PTPRN2: variants seen among roughly 807,000 people sequenced by gnomAD.
PTPRN2 encodes the protein protein tyrosine phosphatase receptor type N2.
A neutral mutation model predicts 118.8 loss-of-function variants in PTPRN2; 74 were observed. The observed-to-expected ratio is 0.62, with a 90% CI of 0.52 to 0.76. PTPRN2 has a LOEUF of 0.76. Among genes scored for constraint, PTPRN2 ranks in the 30% least tolerant of loss-of-function variants. The probability of loss-of-function intolerance (pLI) is 0.00; values close to 1 mark genes in which losing one functional copy is unlikely to be tolerated. For missense variants in PTPRN2, 1,481 were observed against 1,394.4 expected, an observed-to-expected ratio of 1.06 and a Z score of -0.99; for synonymous variants, 641 against 608.0, an observed-to-expected ratio of 1.05 and a Z score of -0.80.
At chr7:158,266,684 G>C (rs1213108934) in intron 3 of PTPRN2, among the ~76,000 whole-genome samples, 1 of 152,178 alleles carries the variant, frequency 6.6e-6, no homozygotes, top group Non-Finnish European at 1.5e-5. Context: ...AACCTGGGCA[G>C]AGAGACGAGA....
intron 11 of PTPRN2, among the ~76,000 whole-genome samples, chr7:158,079,232 A>C (rs1812610937): frequency 6.6e-6 from 1 of 152,196 alleles, no homozygotes; most frequent in African/African-American, 2.4e-5. Flanking sequence ...AATGTAAACA[A>C]TTTTGCACAC....
chr7:157,789,694 ATGTGTGTGTGGTG>A (rs1488986880), intron 12 of PTPRN2, among the ~76,000 whole-genome samples: 49 of 139,592 alleles, frequency 3.5e-4, no homozygotes, highest in African/African-American at 1.3e-3. Flanking sequence ...GTGTGGGGGT[ATGTGTGTGTGGTG>A]TGTGTGGTAT....
chr7:158,128,748 A>G (rs1382774136), intron 9 of PTPRN2, among the ~76,000 whole-genome samples: 1 of 152,104 alleles, frequency 6.6e-6, no homozygotes, highest in Non-Finnish European at 1.5e-5. Flanking sequence ...CCATTTGGAA[A>G]GCCCTTAAAA....
Position 158,167,056 on chromosome 7 carries a change from C to G in PTPRN2, c.785G>C (p.Ser262Thr). Reference protein sequence around the residue: ...QRPPAPPGEGSLEPQYLLRAP... With the variant: ...QRPPAPPGEGTLEPQYLLRAP... Reference sequence around the variant, plus strand: ...ACGCAGAAGGTACTGTGGCTCCAGGCTGCCCTCCCCGGGGGGAGCTGGGGG... The same window carrying G: ...ACGCAGAAGGTACTGTGGCTCCAGGGTGCCCTCCCCGGGGGGAGCTGGGGG... Residue 262 changes from serine (S) to threonine (T), a missense_variant, in exon 6 of 23, where the codon AGC becomes ACC. Ser to Thr is a moderately conservative substitution (Grantham distance 58). This residue lies in a region of PTPRN2 where 1,115 missense variants were observed against 994.2 expected (regional missense o/e 1.12). Coordinates refer to ENST00000389418, the MANE Select transcript of PTPRN2 (RefSeq NM_002847.5). The G allele has an allele frequency of 1.3e-6, 2 of 1,573,998 alleles. No homozygotes were observed. The highest frequency in any genetic ancestry group is 2.3e-5 in the East Asian group (1 of 43,414).
intron 1 of PTPRN2, among the ~76,000 whole-genome samples, chr7:158,553,099 G>C (rs1252198397): frequency 6.6e-6 from 1 of 151,900 alleles, no homozygotes; most frequent in Non-Finnish European, 1.5e-5. Context: ...ACACACACAT[G>C]CTTGGGAGTC....
chr7:158,287,583 T>G (rs530653433), intron 3 of PTPRN2, among the ~76,000 whole-genome samples: 1 of 152,256 alleles, frequency 6.6e-6, no homozygotes, highest in South Asian at 2.1e-4. Flanking sequence ...GACATATTGG[T>G]GGTTCAGAAG....
intron 2 of PTPRN2, among the ~76,000 whole-genome samples, chr7:158,380,136 C>T (rs1810856523): frequency 2.6e-5 from 4 of 152,102 alleles, no homozygotes; most frequent in African/African-American, 9.7e-5. Flanking sequence ...ATCATTATGC[C>T]CCTGGCCTCT....
intron 2 of PTPRN2, among the ~76,000 whole-genome samples, chr7:158,318,908 G>C (rs1802575066): frequency 2.6e-5 from 4 of 152,234 alleles, no homozygotes; most frequent in Admixed American, 2.6e-4. Flanking sequence ...GCAACATGCA[G>C]CTGAGGATCC....
chr7:158,394,539 C>A (rs1342948097), intron 2 of PTPRN2, among the ~76,000 whole-genome samples: 1 of 152,180 alleles, frequency 6.6e-6, no homozygotes, highest in Non-Finnish European at 1.5e-5. Flanking sequence ...ATGGAGCAGC[C>A]CTGGTTCCCT....
At chr7:157,648,863 C>T (rs1298419970) in intron 14 of PTPRN2, among the ~76,000 whole-genome samples, 5 of 145,452 alleles carry the variant, frequency 3.4e-5, no homozygotes, top group African/African-American at 5.0e-5. Flanking sequence ...GCACTGAACT[C>T]GGTGGGTCGG....
intron 2 of PTPRN2, among the ~76,000 whole-genome samples, chr7:158,319,409 C>T (rs983331068): frequency 1.9e-5 from 1 of 54,012 alleles, no homozygotes; most frequent in African/African-American, 8.4e-5. Flanking sequence ...CACACACACA[C>T]ACAGCCTCCC....
chr7:157,875,293 C>T (rs1469296751), intron 12 of PTPRN2, among the ~76,000 whole-genome samples: 1 of 152,204 alleles, frequency 6.6e-6, no homozygotes, highest in African/African-American at 2.4e-5. Context: ...CAAGAGAAAG[C>T]TGGGGAGTTT....
At chr7:157,919,978 T>C (rs1421922718) in intron 11 of PTPRN2, among the ~76,000 whole-genome samples, 1 of 152,168 alleles carries the variant, frequency 6.6e-6, no homozygotes, top group African/African-American at 2.4e-5. Context: ...AGTATTAGTA[T>C]AGTAACATGT....
At chr7:158,466,615 T>C (rs1230669778) in intron 2 of PTPRN2, among the ~76,000 whole-genome samples, 2 of 152,206 alleles carry the variant, frequency 1.3e-5, no homozygotes, top group East Asian at 3.9e-4. Flanking sequence ...TGGTGAATAG[T>C]GCTGCAATGA....
At chr7:158,288,801 G>T (rs1336017188) in intron 3 of PTPRN2, among the ~76,000 whole-genome samples, 1 of 152,086 alleles carries the variant, frequency 6.6e-6, no homozygotes, top group African/African-American at 2.4e-5. Context: ...CATGTTGCTA[G>T]TTAGCATTCT....
At chr7:158,124,029 G>A (rs1019101659) in intron 9 of PTPRN2, among the ~76,000 whole-genome samples, 7 of 151,860 alleles carry the variant, frequency 4.6e-5, no homozygotes, top group South Asian at 4.2e-4. Context: ...AATCTGATTC[G>A]ACCTCAGATC....
Position 158,529,612 on chromosome 7 carries a change from G to A in PTPRN2, c.113-39827C>T, listed in dbSNP as rs1044488882. On this transcript the variant is annotated intron_variant, in intron 1 of 22. Transcript: ENST00000389418. This position sits in a 1 kb window ranked among gnomAD's most constrained non-coding sequence, Gnocchi z 4.7. ...GGGAGAGTGGCAACTGTGTGAGTCT[G>A]GGCTCCAATCAGCAGCGAAGATGCA... is the stretch of plus-strand genomic sequence containing the variant. Among the ~76,000 whole-genome samples, 1 of 152,180 alleles carries A rather than the reference G, an allele frequency of 6.6e-6. No individual in the cohort carries two copies. The highest frequency in any genetic ancestry group is 6.5e-5 in the Admixed American group (1 of 15,274).
At chr7:157,747,515 G>T (rs13241312) in intron 12 of PTPRN2, among the ~76,000 whole-genome samples, 2 of 49,466 alleles carry the variant, frequency 4.0e-5, no homozygotes, top group African/African-American at 9.7e-5. Context: ...TGTGGGGTGT[G>T]CGGGTGATTC....
At chr7:157,727,490 A>G (rs1255126617) in intron 12 of PTPRN2, among the ~76,000 whole-genome samples, 4 of 152,148 alleles carry the variant, frequency 2.6e-5, no homozygotes, top group African/African-American at 9.7e-5. Flanking sequence ...GGAGTCATCA[A>G]ACTCAGAGAC....
Sources: gnomAD v4.1 joint callset for allele counts (sites outside exome capture counted in the v4.1 genomes callset) on GRCh38, gnomAD v4.1.1 for gene constraint, gnomAD v4.1.1 regional missense constraint, Gnocchi (gnomAD v3.1) non-coding constraint, MANE v1.5 for transcripts, NCBI Gene and HGNC (gene_info 2026-07-23, HGNC 2026-07-21) for gene names.